Variants in CNTLN observed in about 807,000 individuals in gnomAD.
CNTLN encodes the protein centlein, also known as centlein, centrosomal protein.
Under a neutral mutation model 180.0 loss-of-function variants are expected in CNTLN, and 212 were observed. The observed-to-expected ratio is 1.18, with a 90% CI of 1.05 to 1.32. CNTLN has a LOEUF of 1.32. Among genes scored for constraint, CNTLN ranks in the 40% most tolerant of loss-of-function variants. The pLI, the probability that CNTLN is intolerant of heterozygous loss-of-function variation, is 0.00. For missense variants in CNTLN, 2,095 were observed against 1,610.9 expected (o/e 1.30, Z -5.14); for synonymous variants, 722 against 563.1 (o/e 1.28, Z -3.99).
rs117396660 is a variant in CNTLN, at chr9:17,238,749, C to T, written c.849+2161C>T. On this transcript the variant is annotated intron_variant, in intron 5 of 25. Coordinates refer to ENST00000380647, the MANE Select transcript of CNTLN (RefSeq NM_017738.4). ...TATCTTTTATTACTGGGATGTCAGC[C>T]ATGAACTTTGCCATGGGTAAGGAAA... 3.2e-4 allele frequency among the ~76,000 whole-genome samples: 49 copies of T among 152,148 alleles called. 1 individual carries two copies. In the East Asian group the frequency reaches 5.4e-3, roughly 17 times the overall value.
At chr9:17,323,810 C>A (rs1004630714) in intron 8 of CNTLN, among the ~76,000 whole-genome samples, 38 of 152,136 alleles carry the variant, frequency 2.5e-4, no homozygotes, top group African/African-American at 8.9e-4. Context: ...AATTTATCAT[C>A]CTTTTTCCCA....
chr9:17,400,448 T>C (rs1826883018), intron 15 of CNTLN, among the ~76,000 whole-genome samples: 1 of 152,154 alleles, frequency 6.6e-6, no homozygotes. Flanking sequence ...ACTGTACCAT[T>C]ATTTAGAGTA....
chr9:17,395,076 C>G lies in CNTLN; in HGVS notation c.2615+7C>G, dbSNP rs1011226710. 5 of 1,596,246 alleles carry G rather than the reference C, an allele frequency of 3.1e-6. No individual in the cohort carries two copies. The highest frequency in any genetic ancestry group is 3.4e-6 in the Non-Finnish European group (4 of 1,169,554). Reference sequence around the variant, plus strand: ...AGGATGTGAGTGAAAGCAGGTAAGGCTCTCATTAACTTAGCTCTGTGGTGG... The same window carrying G: ...AGGATGTGAGTGAAAGCAGGTAAGGGTCTCATTAACTTAGCTCTGTGGTGG... On this transcript the variant is annotated splice_region_variant and intron_variant, in intron 15 of 25. Coordinates refer to ENST00000380647, the MANE Select transcript of CNTLN (RefSeq NM_017738.4).
chr9:17,294,546 G>T (rs1280228492), intron 6 of CNTLN, among the ~76,000 whole-genome samples: 1 of 151,058 alleles, frequency 6.6e-6, no homozygotes, highest in East Asian at 2.0e-4. Context: ...GCTGATTGGT[G>T]TGTTTACAAT....
intron 5 of CNTLN, among the ~76,000 whole-genome samples, chr9:17,244,742 T>C (rs1012961505): frequency 6.6e-6 from 1 of 152,166 alleles, no homozygotes; most frequent in Admixed American, 6.5e-5. Context: ...GTTTTTCTTT[T>C]AGTAAAGGTG....
At chr9:17,217,187 A>T (rs927904671) in intron 2 of CNTLN, among the ~76,000 whole-genome samples, 1 of 152,276 alleles carries the variant, frequency 6.6e-6, no homozygotes, top group Non-Finnish European at 1.5e-5. Context: ...AGTAAGGAAT[A>T]GTTACTTTAA....
At chr9:17,151,419 C>G (rs1818869299) in intron 2 of CNTLN, among the ~76,000 whole-genome samples, 1 of 152,026 alleles carries the variant, frequency 6.6e-6, no homozygotes. Flanking sequence ...TGGTTTTTGT[C>G]ATTGGTTCTG....
At chr9:17,273,635 T>C in intron 5 of CNTLN, 98 bp from the exon 6 acceptor site, 1 of 633,030 alleles carries the variant, frequency 1.6e-6, no homozygotes, top group Non-Finnish European at 2.4e-6. Context: ...TAAAACTATT[T>C]TTCTCTGTCA....
chr9:17,365,426 G>GT (rs573645708), intron 12 of CNTLN, among the ~76,000 whole-genome samples: 31 of 152,012 alleles, frequency 2.0e-4, no homozygotes, highest in Middle Eastern at 3.4e-3. Flanking sequence ...GTCTCAGGAG[G>GT]TTTTTTTTAT....
chr9:17,302,565 G>A (rs1019291236), intron 7 of CNTLN, among the ~76,000 whole-genome samples: 2 of 152,020 alleles, frequency 1.3e-5, no homozygotes, highest in Non-Finnish European at 2.9e-5. Flanking sequence ...AAGAATGTAC[G>A]GGGGTCATGG....
At chr9:17,481,231 T>C (rs1266240360) in intron 23 of CNTLN, among the ~76,000 whole-genome samples, 2 of 152,180 alleles carry the variant, frequency 1.3e-5, no homozygotes, top group East Asian at 3.9e-4. Context: ...TGGCCATGCC[T>C]GGGCAGAGAG....
intron 6 of CNTLN, among the ~76,000 whole-genome samples, chr9:17,276,972 A>G (rs1828352642): frequency 6.6e-6 from 1 of 152,052 alleles, no homozygotes; most frequent in Non-Finnish European, 1.5e-5. Context: ...CATGTCTGTA[A>G]TCTGTATAGA....
intron 13 of CNTLN, among the ~76,000 whole-genome samples, chr9:17,374,212 C>T (rs1463828896): frequency 6.6e-6 from 1 of 151,942 alleles, no homozygotes; most frequent in Non-Finnish European, 1.5e-5. Flanking sequence ...TGCAAACTAC[C>T]CATCTAACAG....
chr9:17,250,964 T>C (rs559498741), intron 5 of CNTLN, among the ~76,000 whole-genome samples: 1 of 152,192 alleles, frequency 6.6e-6, no homozygotes, highest in African/African-American at 2.4e-5. Flanking sequence ...TCTCTCAGTT[T>C]TTATTTGTAA....
At chr9:17,145,466 T>C (rs1450786065) in intron 2 of CNTLN, among the ~76,000 whole-genome samples, 1 of 152,210 alleles carries the variant, frequency 6.6e-6, no homozygotes, top group African/African-American at 2.4e-5. Flanking sequence ...GTCAAATAGA[T>C]GATCTTTCTG....
intron 12 of CNTLN, 38 bp from the exon 13 acceptor site, chr9:17,366,579 A>T (rs761193866): frequency 2.0e-6 from 2 of 999,190 alleles, no homozygotes; most frequent in Non-Finnish European, 1.5e-6. Flanking sequence ...TAAATAAAAC[A>T]ATATGGTTTT....
At chr9:17,246,897 T>G (rs1013838989) in intron 5 of CNTLN, among the ~76,000 whole-genome samples, 1 of 148,892 alleles carries the variant, frequency 6.7e-6, no homozygotes, top group African/African-American at 2.5e-5. Flanking sequence ...GTTTTTTTTT[T>G]CTGGTCCAGG....
intron 5 of CNTLN, among the ~76,000 whole-genome samples, chr9:17,244,279 A>G (rs1825674568): frequency 6.6e-6 from 1 of 151,178 alleles, no homozygotes; most frequent in African/African-American, 2.4e-5. Context: ...TGGCACGATC[A>G]TGGCTCACTT....
chr9:17,342,303 A>G (rs1821542894), intron 11 of CNTLN, 22 bp from the exon 12 acceptor site: 1 of 1,608,112 alleles, frequency 6.2e-7, no homozygotes, highest in East Asian at 2.2e-5. Context: ...TAATTGAAAA[A>G]GCAACTTTGT....
Sources: gnomAD v4.1 joint callset for allele counts (sites outside exome capture counted in the v4.1 genomes callset) on GRCh38, gnomAD v4.1.1 for gene constraint, MANE v1.5 for transcripts, NCBI Gene and HGNC (gene_info 2026-07-23, HGNC 2026-07-21) for gene names.